ZZZ3: variants seen among roughly 807,000 people sequenced by gnomAD.
ZZZ3 encodes the protein ZZ-type zinc finger-containing protein 3.
In ZZZ3, 22 loss-of-function variants were observed where a neutral mutation model predicts 95.2. The ratio of observed to expected loss-of-function variants is 0.23; its 90% CI spans 0.17 to 0.33. The LOEUF is 0.33. ZZZ3 is among the 10% of genes least tolerant of loss of function. ZZZ3 has a pLI of 1.00. For synonymous variants in ZZZ3, 335 were observed against 358.9 expected, an observed-to-expected ratio of 0.93 and a Z score of 0.75; for missense variants, 885 against 1,066.5, an observed-to-expected ratio of 0.83 and a Z score of 2.37.
At chr1:77,661,418 C>A (rs1030760085) in intron 1 of ZZZ3, among the ~76,000 whole-genome samples, 31 of 151,712 alleles carry the variant, frequency 2.0e-4, no homozygotes, top group East Asian at 5.8e-4. Flanking sequence ...CAACCAAAAC[C>A]AAAACAAAAA....
rs1006097499 is a variant in ZZZ3 at position 77,641,545 on chromosome 1, T to C, written c.-292A>G. ...ACCTTTTAAAAAGCGTTTTGCCTAG[T>C]ATTTGATCCCCATGCGTCTGTATTT... On this transcript the variant is annotated 5_prime_UTR_variant, in exon 2 of 15. In the 5' UTR this introduces an upstream ATG that the reference lacks. Coordinates refer to ENST00000370801, the MANE Select transcript of ZZZ3 (RefSeq NM_015534.6). 5.0e-6 allele frequency: 2 copies of C among 398,234 alleles called. No individual in the cohort carries two copies. The highest frequency in any genetic ancestry group is 8.9e-6 in the Non-Finnish European group (2 of 225,858). The allele number at this position is 398,234 out of a possible 1,614,324, so 24.7% of individuals were successfully genotyped here. A position where few individuals can be genotyped will look rare whatever the true frequency, so the allele number is the denominator to read the frequency against.
intron 5 of ZZZ3, among the ~76,000 whole-genome samples, chr1:77,603,769 G>A (rs1664968626): frequency 6.6e-6 from 1 of 151,924 alleles, no homozygotes; most frequent in Non-Finnish European, 1.5e-5. Context: ...GATTCGAAGA[G>A]CTTCTTAAAA....
chr1:77,682,660 A>C (rs1355895572), upstream of ZZZ3: 2 of 152,232 alleles, frequency 1.3e-5, no homozygotes, highest in African/African-American at 2.4e-5. Flanking sequence ...TCTGCCAACG[A>C]GGTCCCGCGA....
chr1:77,608,603 G>T (rs1665476356), intron 5 of ZZZ3, among the ~76,000 whole-genome samples: 2 of 152,122 alleles, frequency 1.3e-5, no homozygotes, highest in African/African-American at 2.4e-5. Flanking sequence ...GGAAAACACA[G>T]AATAATATAA....
intron 5 of ZZZ3, among the ~76,000 whole-genome samples, chr1:77,630,324 AT>A (rs1351624084): frequency 2.0e-5 from 3 of 151,966 alleles, no homozygotes; most frequent in African/African-American, 7.3e-5. Flanking sequence ...ATACAAAAAA[AT>A]ATTAGCCAGG....
chr1:77,677,854 A>C (rs1570684835), intron 1 of ZZZ3, among the ~76,000 whole-genome samples: 2 of 152,340 alleles, frequency 1.3e-5, no homozygotes, highest in South Asian at 4.1e-4. Flanking sequence ...AAAATAATGG[A>C]AGAAATATAT....
At chr1:77,569,971 A>G (rs1016268769) in intron 12 of ZZZ3, among the ~76,000 whole-genome samples, 2 of 152,184 alleles carry the variant, frequency 1.3e-5, no homozygotes, top group Non-Finnish European at 2.9e-5. Flanking sequence ...CCAATCCCGG[A>G]CCAGACAAGC....
chr1:77,581,065 A>C lies in ZZZ3; in HGVS notation c.1913T>G (p.Ile638Arg). The change falls in exon 9 of 15, where the codon ATA becomes AGA. Residue 638 changes from isoleucine (I) to arginine (R), a missense_variant. Ile to Arg is a moderately conservative substitution (Grantham distance 97, BLOSUM62 -3). Transcript: ENST00000370801. ...PEGSSSRPQM[I>R]RGRLCDDTKP... ...GGTATCATCACACAAGCGTCCTCTT[A>C]TCATCTGCACATAAGACAAGGCTTT... 6.2e-7 allele frequency: 1 copy of C among 1,613,972 alleles called. No individual in the cohort carries two copies. Among genetic ancestry groups the C allele is most frequent in the Non-Finnish European group, 8.5e-7 (1 of 1,179,824 alleles).
intron 1 of ZZZ3, among the ~76,000 whole-genome samples, chr1:77,665,241 A>G (rs986332879): frequency 3.3e-5 from 5 of 152,202 alleles, no homozygotes; most frequent in African/African-American, 9.7e-5. Flanking sequence ...CATACAGACA[A>G]TTTTTACTGA....
At chr1:77,603,754 C>A (rs1368614906) in intron 5 of ZZZ3, among the ~76,000 whole-genome samples, 1 of 151,996 alleles carries the variant, frequency 6.6e-6, no homozygotes, top group Non-Finnish European at 1.5e-5. Context: ...AGATTATGAG[C>A]CACTGATTCG....
intron 10 of ZZZ3, 50 bp downstream of exon 10, chr1:77,579,476 TA>T (rs750978074): frequency 3.6e-6 from 5 of 1,371,330 alleles, no homozygotes; most frequent in Non-Finnish European, 5.1e-6. Context: ...TCTCCTTTAT[TA>T]AAAAACTACC....
chr1:77,669,778 TA>T (rs1671583337), intron 1 of ZZZ3, among the ~76,000 whole-genome samples: 1 of 152,026 alleles, frequency 6.6e-6, no homozygotes, highest in Admixed American at 6.6e-5. Context: ...CTTAAAAGTT[TA>T]AAAAGGTTTA....
chr1:77,648,875 A>C (rs944414262), intron 1 of ZZZ3, among the ~76,000 whole-genome samples: 3 of 152,190 alleles, frequency 2.0e-5, no homozygotes, highest in Admixed American at 6.6e-5. Context: ...TCAGTGCTGT[A>C]ATCCCAGAAC....
At chr1:77,659,353 A>G (rs1395836912) in intron 1 of ZZZ3, among the ~76,000 whole-genome samples, 1 of 152,062 alleles carries the variant, frequency 6.6e-6, no homozygotes, top group Non-Finnish European at 1.5e-5. Context: ...AATATACTTA[A>G]TCAATTTTTA....
chr1:77,603,181 C>A (rs1202174793), intron 5 of ZZZ3, among the ~76,000 whole-genome samples: 1 of 151,994 alleles, frequency 6.6e-6, no homozygotes, highest in Non-Finnish European at 1.5e-5. Flanking sequence ...TGGGCTGAAT[C>A]AATCCTCCCA....
At chr1:77,592,448 C>A (rs1166414106) in intron 5 of ZZZ3, among the ~76,000 whole-genome samples, 1 of 152,070 alleles carries the variant, frequency 6.6e-6, no homozygotes, top group Admixed American at 6.5e-5. Flanking sequence ...ATTACAGGTG[C>A]ACACCACCAC....
chr1:77,644,424 C>T (rs377374533), intron 1 of ZZZ3, among the ~76,000 whole-genome samples: 15 of 152,270 alleles, frequency 9.9e-5, no homozygotes, highest in African/African-American at 3.4e-4. Context: ...AGAGCTGAAC[C>T]GAATTTTCAT....
At chr1:77,566,373 C>T (rs1284205504) in intron 13 of ZZZ3, among the ~76,000 whole-genome samples, 192 bp from the exon 14 acceptor site, 1 of 152,156 alleles carries the variant, frequency 6.6e-6, no homozygotes, top group African/African-American at 2.4e-5. Flanking sequence ...TCCATCCACT[C>T]AATATCAAGA....
At chr1:77,606,428 G>C (rs1274295483) in intron 5 of ZZZ3, among the ~76,000 whole-genome samples, 1 of 152,210 alleles carries the variant, frequency 6.6e-6, no homozygotes, top group Non-Finnish European at 1.5e-5. Context: ...CGCCCTGAAG[G>C]GAAGGACACA....
Sources: gnomAD v4.1 joint callset for allele counts (sites outside exome capture counted in the v4.1 genomes callset) on GRCh38, gnomAD v4.1.1 for gene constraint, MANE v1.5 for transcripts, NCBI Gene and HGNC (gene_info 2026-07-23, HGNC 2026-07-21) for gene names.